PCDHGB2: variants seen among roughly 807,000 people sequenced by gnomAD.
PCDHGB2 encodes the protein protocadherin gamma-B2.
PCDHGB2 carries 55 observed loss-of-function variants against 59.3 expected under a neutral mutation model. That is an observed-to-expected ratio of 0.93 (90% CI 0.75 to 1.16). The LOEUF (loss-of-function observed/expected upper bound fraction) is 1.16, where lower values mean the gene tolerates loss of function less well. PCDHGB2 is among the 50% of genes most tolerant of loss of function. The pLI is 0.00. For missense variants in PCDHGB2, 1,228 were observed against 1,198.5 expected, an observed-to-expected ratio of 1.02 and a Z score of -0.36; for synonymous variants, 516 against 512.0, an observed-to-expected ratio of 1.01 and a Z score of -0.11.
Position 141,476,340 on chromosome 5 carries a change from G to A in PCDHGB2, c.2422-18467G>A, listed in dbSNP as rs760616287. The A allele has an allele frequency of 2.2e-5, 36 of 1,614,068 alleles. No homozygotes were observed. In the Admixed American group the frequency reaches 2.5e-4, roughly 11 times the overall value. On this transcript the variant is annotated intron_variant, in intron 1 of 3. Transcript: ENST00000522605. The surrounding 1 kb of genome is among the most constrained non-coding windows in gnomAD (Gnocchi z 7.6). The stretch of plus-strand genomic sequence containing the variant: ...CGGGTGGTGTCTGGAGCTAGCCGAA[G>A]ATTCTTTGAGGTGAACCGGGAGACC...
At chr5:141,408,156 T>G (rs1270401832) in intron 1 of PCDHGB2, 2 of 1,512,436 alleles carry the variant, frequency 1.3e-6, no homozygotes, top group East Asian at 2.5e-5. Flanking sequence ...TAGAGTGCAC[T>G]TTCTCCAACT....
chr5:141,477,475 C>A lies in PCDHGB2; in HGVS notation c.2422-17332C>A. ...TTCAAGTGTCCGACATCAATGACAA[C>A]CCTCCACAATCTTCTCAATCTTCCT... On this transcript the variant is annotated intron_variant, in intron 1 of 3. Coordinates refer to ENST00000522605, the MANE Select transcript of PCDHGB2 (RefSeq NM_018923.3). The surrounding 1 kb of genome is among the most constrained non-coding windows in gnomAD (Gnocchi z 4.9). The A allele has an allele frequency of 3.1e-6, 5 of 1,614,124 alleles. No homozygotes were observed. The highest frequency in any genetic ancestry group is 4.2e-6 in the Non-Finnish European group (5 of 1,180,030).
chr5:141,391,083 G>A (rs974357992), intron 1 of PCDHGB2: 1 of 152,152 alleles, frequency 6.6e-6, no homozygotes, highest in East Asian at 1.9e-4. Context: ...ATGTGTAACT[G>A]CCTTATCTGC....
In PCDHGB2 at chr5:141,364,730, C is replaced by T. The variant is rs374170303; in HGVS notation, c.2421+2174C>T. On this transcript the variant is annotated intron_variant, in intron 1 of 3. Coordinates refer to ENST00000522605, the MANE Select transcript of PCDHGB2 (RefSeq NM_018923.3). ...TATTAATGATAACTTCCCGCGTTTC[C>T]GGGATGAAGAGTTAAAAGTAAAAGT... is the stretch of plus-strand genomic sequence containing the variant. The T allele has an allele frequency of 1.9e-6, 3 of 1,613,720 alleles. No individual in the cohort carries two copies. In the African/African-American group the frequency reaches 4.0e-5, roughly 22 times the overall value.
intron 1 of PCDHGB2, chr5:141,420,292 T>C (rs761934978): frequency 2.7e-6 from 4 of 1,485,132 alleles, no homozygotes; most frequent in Middle Eastern, 1.8e-4. Context: ...TTTAAAAATG[T>C]ATTTAATCCT....
chr5:141,423,092 A>T (rs2096708373), intron 1 of PCDHGB2: 5 of 1,613,952 alleles, frequency 3.1e-6, no homozygotes, highest in South Asian at 2.2e-5. Flanking sequence ...GCGGTGGGGG[A>T]GCACACGGGC....
Position 141,383,013 on chromosome 5 carries a change from G to A in PCDHGB2, c.2421+20457G>A, listed in dbSNP as rs1209966350. Reference sequence around the variant, plus strand: ...GTATTCTCTACTCCGTGTCGGAGGAGACGGACAAAGGGTCCTTTGTGGGAG... The same window carrying A: ...GTATTCTCTACTCCGTGTCGGAGGAAACGGACAAAGGGTCCTTTGTGGGAG... On this transcript the variant is annotated intron_variant, in intron 1 of 3. Coordinates refer to ENST00000522605, the MANE Select transcript of PCDHGB2 (RefSeq NM_018923.3). 6 of 1,613,828 alleles carry A rather than the reference G, an allele frequency of 3.7e-6. No individual in the cohort carries two copies. The East Asian group carries it at 6.7e-5, about 18-fold the overall frequency.
chr5:141,388,795 C>T, intron 1 of PCDHGB2: 1 of 1,613,834 alleles, frequency 6.2e-7, no homozygotes, highest in Admixed American at 1.7e-5. Context: ...GTTTTAAATA[C>T]ATTAGATTTT....
intron 1 of PCDHGB2, chr5:141,398,633 A>G: frequency 6.2e-7 from 1 of 1,614,064 alleles, no homozygotes; most frequent in Non-Finnish European, 8.5e-7. Flanking sequence ...TCTCTGCAGA[A>G]GTATAAACTC....
At chr5:141,421,278 G>A (rs764787116) in intron 1 of PCDHGB2, 1 of 1,612,872 alleles carries the variant, frequency 6.2e-7, no homozygotes, top group African/African-American at 1.3e-5. Flanking sequence ...TGCTGCTGCT[G>A]TGCATTTTCC....
chr5:141,491,723 G>C lies in PCDHGB2; in HGVS notation c.2422-3084G>C. The C allele has an allele frequency of 1.2e-6, 2 of 1,606,770 alleles. No homozygotes were observed. The highest frequency in any genetic ancestry group is 1.7e-6 in the Non-Finnish European group (2 of 1,177,028). On this transcript the variant is annotated intron_variant, in intron 1 of 3. Transcript: ENST00000522605. The surrounding 1 kb of genome is among the most constrained non-coding windows in gnomAD (Gnocchi z 6.9). The stretch of plus-strand genomic sequence containing the variant: ...CAGGTGAGGGGCTCGGCGCCGCCCC[G>C]GGCGACCCCTGGGGGCGGCACTGGA...
At chr5:141,475,996 G>T (rs2099383729) in intron 1 of PCDHGB2, 4 of 1,181,402 alleles carry the variant, frequency 3.4e-6, no homozygotes, top group Non-Finnish European at 3.5e-6. Flanking sequence ...GCAAATCAAC[G>T]GCATCCAGAA....
intron 1 of PCDHGB2, chr5:141,478,920 CCAGTGG>C: frequency 2.7e-6 from 2 of 728,392 alleles, no homozygotes; most frequent in South Asian, 4.5e-5. Flanking sequence ...ATACCTCTAA[CCAGTGG>C]CAGCTTCTAG....
In PCDHGB2 at chr5:141,432,088, A is replaced by T. The variant is rs144317211; in HGVS notation, c.2422-62719A>T. The T allele has an allele frequency of 2.9e-5, 47 of 1,614,148 alleles. No individual in the cohort carries two copies. In the African/African-American group the frequency reaches 5.7e-4, roughly 20 times the overall value. On this transcript the variant is annotated intron_variant, in intron 1 of 3. Transcript: ENST00000522605. This position sits in a 1 kb window ranked among gnomAD's most constrained non-coding sequence, Gnocchi z 6.0. Reference sequence around the variant, plus strand: ...AAACTCATATCTCGCTGAACGTGGCAGACACCAACGACAACCCGCCGGTCT... The same window carrying T: ...AAACTCATATCTCGCTGAACGTGGCTGACACCAACGACAACCCGCCGGTCT...
intron 1 of PCDHGB2, chr5:141,376,390 T>C (rs776058989): frequency 1.0e-4 from 166 of 1,614,188 alleles, no homozygotes; most frequent in Middle Eastern, 1.6e-4. Flanking sequence ...GTCATCTGAT[T>C]TTCCCCCAGC....
intron 1 of PCDHGB2, among the ~76,000 whole-genome samples, chr5:141,397,240 T>C (rs1291416263): frequency 6.6e-6 from 1 of 152,176 alleles, no homozygotes; most frequent in Non-Finnish European, 1.5e-5. Flanking sequence ...AAGAGCAACG[T>C]AGTAGGGTAT....
intron 1 of PCDHGB2, among the ~76,000 whole-genome samples, chr5:141,446,686 C>T (rs574630887): frequency 1.3e-5 from 2 of 152,294 alleles, no homozygotes; most frequent in African/African-American, 4.8e-5. Context: ...CCATATTGGC[C>T]AGGCTGGTCT....
In PCDHGB2 at chr5:141,489,180, C is replaced by T. The variant is rs942218118; in HGVS notation, c.2422-5627C>T. 7.9e-7 allele frequency: 1 copy of T among 1,259,748 alleles called. No homozygotes were observed. The highest frequency in any genetic ancestry group is 2.0e-4 in the Middle Eastern group (1 of 5,096). The allele number at this position is 1,259,748 out of a possible 1,614,324, so 78.0% of individuals were successfully genotyped here. A position where few individuals can be genotyped will look rare whatever the true frequency, so the allele number is the denominator to read the frequency against. On this transcript the variant is annotated intron_variant, in intron 1 of 3. Coordinates refer to ENST00000522605, the MANE Select transcript of PCDHGB2 (RefSeq NM_018923.3). This position sits in a 1 kb window ranked among gnomAD's most constrained non-coding sequence, Gnocchi z 4.5. ...GACTTCAGCTGCTGCATTCCAAGCCCTGGGTCTACCTTGGAGACAGGACAG... is the reference window on the plus strand; with the variant it reads ...GACTTCAGCTGCTGCATTCCAAGCCTTGGGTCTACCTTGGAGACAGGACAG...
At chr5:141,428,305 G>A (rs751498223) in intron 1 of PCDHGB2, 8 of 694,348 alleles carry the variant, frequency 1.2e-5, no homozygotes, top group African/African-American at 1.8e-5. Flanking sequence ...GATTTACCTG[G>A]TCGTGGCCTT....
Sources: gnomAD v4.1 joint callset for allele counts (sites outside exome capture counted in the v4.1 genomes callset) on GRCh38, gnomAD v4.1.1 for gene constraint, Gnocchi (gnomAD v3.1) non-coding constraint, MANE v1.5 for transcripts, NCBI Gene and HGNC (gene_info 2026-07-23, HGNC 2026-07-21) for gene names.